The following BCL2 variants were observed in gnomAD, a reference collection of about 807,000 sequenced individuals.
BCL2 encodes the protein apoptosis regulator Bcl-2.
In BCL2, 1 loss-of-function variant was observed where a neutral mutation model predicts 14.2. The observed-to-expected ratio is 0.07, with a 90% confidence interval of 0.02 to 0.33. The LOEUF (loss-of-function observed/expected upper bound fraction) is 0.33. Ranked by LOEUF, BCL2 falls within the 10% of genes least tolerant of loss-of-function variation. The probability of loss-of-function intolerance (pLI) is 0.99; values close to 1 mark genes in which losing one functional copy is unlikely to be tolerated. For missense variants in BCL2, 247 were observed against 305.9 expected, an observed-to-expected ratio of 0.81 and a Z score of 1.44; for synonymous variants, 151 against 137.2, an observed-to-expected ratio of 1.10 and a Z score of -0.70.
chr18:63,197,620 A>C (rs1234497813), intron 2 of BCL2, among the ~76,000 whole-genome samples: 1 of 151,746 alleles, frequency 6.6e-6, no homozygotes, highest in Non-Finnish European at 1.5e-5. Flanking sequence ...CGGTCACAGC[A>C]GGAACAGAAA....
chr18:63,225,347 T>C (rs974239641), intron 2 of BCL2, among the ~76,000 whole-genome samples: 1 of 152,124 alleles, frequency 6.6e-6, no homozygotes, highest in African/African-American at 2.4e-5. Context: ...TTATCTACTA[T>C]AATATAAGGT....
chr18:63,209,213 G>A (rs993929439), intron 2 of BCL2, among the ~76,000 whole-genome samples: 1 of 152,188 alleles, frequency 6.6e-6, no homozygotes, highest in Non-Finnish European at 1.5e-5. Context: ...CGGTAAATTG[G>A]TGCAAGTGTG....
chr18:63,262,505 T>A (rs751553716), intron 2 of BCL2, among the ~76,000 whole-genome samples: 1 of 152,190 alleles, frequency 6.6e-6, no homozygotes, highest in Non-Finnish European at 1.5e-5. Flanking sequence ...CCTTCTGCAT[T>A]TCCAGGAAGG....
intron 2 of BCL2, among the ~76,000 whole-genome samples, chr18:63,214,539 A>T (rs1910144175): frequency 6.6e-6 from 1 of 152,212 alleles, no homozygotes. Context: ...GATGTGTTGT[A>T]CCATTTGAGC....
chr18:63,166,146 T>C (rs1056697924), intron 2 of BCL2, among the ~76,000 whole-genome samples: 1 of 152,056 alleles, frequency 6.6e-6, no homozygotes, highest in Non-Finnish European at 1.5e-5. Flanking sequence ...CACTCACGGC[T>C]TTATAGACTG....
At chr18:63,286,279 T>C (rs570175658) in intron 2 of BCL2, among the ~76,000 whole-genome samples, 2 of 152,340 alleles carry the variant, frequency 1.3e-5, no homozygotes, top group Admixed American at 6.5e-5. Context: ...CAAATATGAA[T>C]TGAGCACCTT....
At chr18:63,158,023 C>G (rs1218444312) in intron 2 of BCL2, among the ~76,000 whole-genome samples, 3 of 151,572 alleles carry the variant, frequency 2.0e-5, no homozygotes, top group Non-Finnish European at 4.4e-5. Context: ...GAAAAAGAAA[C>G]TCAGCTCAAG....
intron 2 of BCL2, among the ~76,000 whole-genome samples, chr18:63,221,127 C>T (rs912106019): frequency 1.3e-5 from 2 of 152,204 alleles, no homozygotes; most frequent in African/African-American, 4.8e-5. Flanking sequence ...ACCTTTTCCA[C>T]TAACTGGCCA....
intron 2 of BCL2, among the ~76,000 whole-genome samples, chr18:63,157,849 G>A (rs1316512366): frequency 1.3e-5 from 2 of 152,256 alleles, no homozygotes; most frequent in East Asian, 3.9e-4. Flanking sequence ...AACAAATACC[G>A]CTCAGCACCT....
rs755505503 is a variant in BCL2, at chr18:63,249,940, C to G, written c.585+68142G>C. ...AAGGGAAGCCAGTGCTGTGGAGTAC[C>G]CACCGAATGCCGCACCGCACACTTG... On this transcript the variant is annotated intron_variant, in intron 2 of 2. Coordinates refer to ENST00000333681, the MANE Select transcript of BCL2 (RefSeq NM_000633.3). Among the ~76,000 whole-genome samples the G allele has an allele frequency of 2.0e-5, 3 of 152,014 alleles. No individual in the cohort carries two copies. The East Asian group carries it at 5.8e-4, about 29-fold the overall frequency.
chr18:63,176,111 T>G (rs905728157), intron 2 of BCL2, among the ~76,000 whole-genome samples: 2 of 152,222 alleles, frequency 1.3e-5, no homozygotes, highest in Non-Finnish European at 2.9e-5. Context: ...TTCGCTCTGG[T>G]CAGGACTTGG....
At chr18:63,171,868 A>AT (rs1355289264) in intron 2 of BCL2, among the ~76,000 whole-genome samples, 1 of 152,204 alleles carries the variant, frequency 6.6e-6, no homozygotes, top group East Asian at 1.9e-4. Context: ...GTAGTCCCAC[A>AT]TACTCATGAG....
intron 2 of BCL2, among the ~76,000 whole-genome samples, chr18:63,146,748 A>G (rs2046136): frequency 0.26 from 39,451 of 152,078 alleles, 5,426 homozygotes; most frequent in Non-Finnish European, 0.31. Flanking sequence ...AACCTACTGA[A>G]ACACCCCGAG....
At chr18:63,198,185 C>CACACACACACAGAG (rs1236408584) in intron 2 of BCL2, among the ~76,000 whole-genome samples, 2 of 151,880 alleles carry the variant, frequency 1.3e-5, no homozygotes, top group African/African-American at 4.8e-5. Flanking sequence ...CATACACACA[C>CACACACACACAGAG]ACACACACAC....
intron 2 of BCL2, among the ~76,000 whole-genome samples, chr18:63,263,487 C>A (rs1435643717): frequency 6.6e-6 from 1 of 152,208 alleles, no homozygotes; most frequent in Non-Finnish European, 1.5e-5. Flanking sequence ...GCCCTTCTCC[C>A]TTGAATGGCC....
chr18:63,286,574 G>A (rs1912480850), intron 2 of BCL2, among the ~76,000 whole-genome samples: 1 of 152,128 alleles, frequency 6.6e-6, no homozygotes, highest in South Asian at 2.1e-4. Context: ...AAGTGGGCTG[G>A]TGCCAGCCCT....
At chr18:63,285,719 G>A (rs753334749) in intron 2 of BCL2, among the ~76,000 whole-genome samples, 20 of 152,208 alleles carry the variant, frequency 1.3e-4, no homozygotes, top group Non-Finnish European at 2.4e-4. Context: ...TGTAGCGGGA[G>A]AGGGTGCACC....
At chr18:63,258,883 G>A (rs1349792985) in intron 2 of BCL2, among the ~76,000 whole-genome samples, 2 of 152,240 alleles carry the variant, frequency 1.3e-5, no homozygotes, top group Non-Finnish European at 2.9e-5. Flanking sequence ...CGACTAAAGG[G>A]AAAACAGAGA....
intron 2 of BCL2, among the ~76,000 whole-genome samples, chr18:63,264,029 C>CAA (rs1261694472): frequency 6.6e-6 from 1 of 152,198 alleles, no homozygotes; most frequent in African/African-American, 2.4e-5. Context: ...CTTGGCCTCC[C>CAA]AATGTGCTGG....
Sources: gnomAD v4.1 joint callset for allele counts (sites outside exome capture counted in the v4.1 genomes callset) on GRCh38, gnomAD v4.1.1 for gene constraint, MANE v1.5 for transcripts, NCBI Gene and HGNC (gene_info 2026-07-23, HGNC 2026-07-21) for gene names.